GLG1: variants seen among roughly 807,000 people sequenced by gnomAD.
GLG1 encodes the protein golgi glycoprotein 1.
In GLG1, 38 loss-of-function variants were observed where a neutral mutation model predicts 160.5. The ratio of observed to expected loss-of-function variants is 0.24; its 90% CI spans 0.18 to 0.31. The LOEUF is 0.31. Among genes scored for constraint, GLG1 ranks in the 10% least tolerant of loss-of-function variants. GLG1 has a pLI of 1.00. For missense variants in GLG1, 1,373 were observed against 1,505.2 expected (o/e 0.91, Z 1.45); for synonymous variants, 644 against 543.4 (o/e 1.19, Z -2.57).
intron 2 of GLG1, among the ~76,000 whole-genome samples, chr16:74,513,316 T>C (rs939013241): frequency 6.6e-6 from 1 of 152,120 alleles, no homozygotes; most frequent in Non-Finnish European, 1.5e-5. Flanking sequence ...GGCTAGGGGA[T>C]GAAGGGAAAA....
At chr16:74,472,758 G>C (rs1281282604) in intron 13 of GLG1, 2 of 395,262 alleles carry the variant, frequency 5.1e-6, no homozygotes, top group Non-Finnish European at 9.9e-6. Flanking sequence ...TGAAAACAGG[G>C]GTAACTGATA....
At chr16:74,589,157 A>G (rs1958118457) in intron 1 of GLG1, among the ~76,000 whole-genome samples, 1 of 152,058 alleles carries the variant, frequency 6.6e-6, no homozygotes, top group South Asian at 2.1e-4. Context: ...CGAGAGGCTG[A>G]GGCAGGAGAA....
intron 3 of GLG1, among the ~76,000 whole-genome samples, chr16:74,507,987 G>C (rs1371042370): frequency 6.6e-6 from 1 of 151,808 alleles, no homozygotes; most frequent in East Asian, 1.9e-4. Flanking sequence ...AAGCCCCAAG[G>C]TAAATATGAG....
chr16:74,473,813 T>G lies in GLG1; in HGVS notation c.2052+733A>C, dbSNP rs116421444. 1.2e-3 allele frequency among the ~76,000 whole-genome samples: 184 copies of G among 152,270 alleles called. 1 individual carries two copies. Among genetic ancestry groups the G allele is most frequent in the African/African-American group, 4.3e-3 (177 of 41,572 alleles). ...ATAAACATACGTATTCAATCTTCCA[T>G]GCTTAGCTGGAAGTCCTCAGCTTTT... On this transcript the variant is annotated intron_variant, in intron 13 of 25. Coordinates refer to ENST00000422840, the MANE Select transcript of GLG1 (RefSeq NM_001145667.2).
rs577929150 is a variant in GLG1 at position 74,450,424 on chromosome 16, G to C, written c.*2743C>G. 1 of 152,192 alleles carries C rather than the reference G, an allele frequency of 6.6e-6. No homozygotes were observed. Among genetic ancestry groups the C allele is most frequent in the East Asian group, 1.9e-4 (1 of 5,194 alleles). The allele number at this position is 152,192 out of a possible 1,614,324, so 9.4% of individuals were successfully genotyped here. A position where few individuals can be genotyped will look rare whatever the true frequency, so the allele number is the denominator to read the frequency against. On this transcript the variant is annotated 3_prime_UTR_variant, in exon 26 of 26. Coordinates refer to ENST00000422840, the MANE Select transcript of GLG1 (RefSeq NM_001145667.2). ...CCTTGGCACTTAGAAAAACTTGCTC[G>C]GGGCCCTGCCTGGGGCTCTCAAGAG...
At chr16:74,479,444 G>GAC (rs1459261087) in intron 11 of GLG1, among the ~76,000 whole-genome samples, 1 of 127,090 alleles carries the variant, frequency 7.9e-6, no homozygotes, top group Non-Finnish European at 1.8e-5. Flanking sequence ...ATTATATGGA[G>GAC]AGAAAAAAAA....
intron 8 of GLG1, among the ~76,000 whole-genome samples, chr16:74,488,363 G>A (rs569826181): frequency 3.3e-5 from 5 of 152,114 alleles, no homozygotes; most frequent in East Asian, 1.9e-4. Context: ...GCAACACGGC[G>A]AGACCCCATC....
intron 1 of GLG1, among the ~76,000 whole-genome samples, chr16:74,603,912 T>C (rs547666270): frequency 2.0e-5 from 3 of 152,108 alleles, no homozygotes; most frequent in Non-Finnish European, 2.9e-5. Context: ...TTACTGGCTA[T>C]TACATCTATT....
intron 2 of GLG1, among the ~76,000 whole-genome samples, chr16:74,522,889 T>C (rs2017214692): frequency 6.6e-6 from 1 of 152,210 alleles, no homozygotes; most frequent in South Asian, 2.1e-4. Context: ...TTCACCATGT[T>C]GCTCAGGCTG....
At chr16:74,486,619 G>T (rs1407687610) in intron 8 of GLG1, among the ~76,000 whole-genome samples, 1 of 152,134 alleles carries the variant, frequency 6.6e-6, no homozygotes, top group Non-Finnish European at 1.5e-5. Context: ...AGGAAAGACA[G>T]GAGAATAGGT....
intron 1 of GLG1, among the ~76,000 whole-genome samples, chr16:74,575,256 C>T (rs2018969347): frequency 6.6e-6 from 1 of 151,664 alleles, no homozygotes; most frequent in Admixed American, 6.6e-5. Flanking sequence ...AAAAAAAGAA[C>T]AAAAAAACAC....
At chr16:74,560,526 T>C (rs1319336949) in intron 1 of GLG1, among the ~76,000 whole-genome samples, 2 of 151,992 alleles carry the variant, frequency 1.3e-5, no homozygotes, top group Non-Finnish European at 2.9e-5. Flanking sequence ...TGTATTTTTG[T>C]AGAGATGGGT....
intron 1 of GLG1, among the ~76,000 whole-genome samples, chr16:74,603,240 T>C (rs569123086): frequency 5.3e-5 from 8 of 151,858 alleles, no homozygotes; most frequent in Non-Finnish European, 1.5e-5. Context: ...TGAAACTCTG[T>C]CTCTACTAAA....
chr16:74,460,807 G>C (rs77996194), intron 22 of GLG1, among the ~76,000 whole-genome samples: 1 of 152,232 alleles, frequency 6.6e-6, no homozygotes, highest in South Asian at 2.1e-4. Context: ...TTGTCAAAAA[G>C]AAGGCTGCTA....
At chr16:74,520,629 T>G (rs1030955460) in intron 2 of GLG1, among the ~76,000 whole-genome samples, 1 of 152,006 alleles carries the variant, frequency 6.6e-6, no homozygotes, top group Non-Finnish European at 1.5e-5. Flanking sequence ...AGAGCGAAAC[T>G]CCATCTCAAA....
chr16:74,580,518 A>T (rs1242937963), intron 1 of GLG1, among the ~76,000 whole-genome samples: 11 of 152,098 alleles, frequency 7.2e-5, no homozygotes, highest in African/African-American at 2.2e-4. Context: ...AATTTTTTTT[A>T]AATTAACTCA....
intron 8 of GLG1, among the ~76,000 whole-genome samples, chr16:74,486,613 A>G (rs986837018): frequency 2.6e-5 from 4 of 152,186 alleles, no homozygotes; most frequent in Non-Finnish European, 5.9e-5. Flanking sequence ...GAACAAAGGA[A>G]AGACAGGAGA....
At chr16:74,595,551 T>G (rs1958279514) in intron 1 of GLG1, among the ~76,000 whole-genome samples, 1 of 152,146 alleles carries the variant, frequency 6.6e-6, no homozygotes, top group Admixed American at 6.6e-5. Flanking sequence ...AAGAAAGTAC[T>G]GAAGGGCTTT....
intron 2 of GLG1, among the ~76,000 whole-genome samples, chr16:74,529,777 T>C (rs1432858982): frequency 1.3e-5 from 2 of 151,114 alleles, no homozygotes; most frequent in Admixed American, 6.6e-5. Context: ...TTCAGCAGTA[T>C]CGTATCCTTC....
Sources: gnomAD v4.1 joint callset for allele counts (sites outside exome capture counted in the v4.1 genomes callset) on GRCh38, gnomAD v4.1.1 for gene constraint, MANE v1.5 for transcripts, NCBI Gene and HGNC (gene_info 2026-07-23, HGNC 2026-07-21) for gene names.